Variants in NUFIP2 observed in about 807,000 individuals in gnomAD.
NUFIP2 encodes the protein nuclear FMR1 interacting protein 2.
Under a neutral mutation model 56.9 loss-of-function variants are expected in NUFIP2, and 6 were observed. The ratio of observed to expected loss-of-function variants is 0.11; its 90% confidence interval spans 0.06 to 0.21. The LOEUF (loss-of-function observed/expected upper bound fraction) is 0.21. Among genes scored for constraint, NUFIP2 ranks in the 10% least tolerant of loss-of-function variants. The pLI, the probability that NUFIP2 is intolerant of heterozygous loss-of-function variation, is 1.00. For missense variants in NUFIP2, 828 were observed against 826.8 expected (o/e 1.00, Z -0.02); for synonymous variants, 321 against 298.2 (o/e 1.08, Z -0.79).
chr17:29,271,811 C>A (rs182872898), intron 2 of NUFIP2, among the ~76,000 whole-genome samples: 2 of 151,976 alleles, frequency 1.3e-5, no homozygotes, highest in African/African-American at 4.8e-5. Context: ...TGGCTCTCAC[C>A]TGTAATCCCA....
chr17:29,282,562 C>A (rs548024966), intron 2 of NUFIP2, among the ~76,000 whole-genome samples: 47 of 147,826 alleles, frequency 3.2e-4, no homozygotes, highest in African/African-American at 8.5e-4. Flanking sequence ...AAAAAAAAAA[C>A]CACCAAAAAA....
chr17:29,274,075 G>A (rs2069092725), intron 2 of NUFIP2, among the ~76,000 whole-genome samples: 1 of 152,198 alleles, frequency 6.6e-6, no homozygotes, highest in African/African-American at 2.4e-5. Flanking sequence ...GGGAGGGTGG[G>A]TTATCAGTAA....
Position 29,263,555 on chromosome 17 carries a change from T to A in NUFIP2, c.*984A>T, listed in dbSNP as rs1186649333. ...AAGATAATTTACAGAAAGGTCTAAG[T>A]TTGTCTTAAATGTTTGATGAAAAAC... On this transcript the variant is annotated 3_prime_UTR_variant, in exon 4 of 4. Transcript: ENST00000225388. 1.3e-5 allele frequency: 2 copies of A among 152,584 alleles called. No homozygotes were observed. The highest frequency in any genetic ancestry group is 2.9e-5 in the Non-Finnish European group (2 of 68,026). 9.5% of individuals were successfully genotyped at this position (152,584 alleles called of 1,614,324 possible).
rs1213906015 is a variant in NUFIP2 at position 29,262,380 on chromosome 17, A to C, written c.*2159T>G. 1 of 150,760 alleles carries C rather than the reference A, an allele frequency of 6.6e-6. No individual in the cohort carries two copies. The highest frequency in any genetic ancestry group is 6.6e-5 in the Admixed American group (1 of 15,106). The allele number at this position is 150,760 out of a possible 1,614,324, so 9.3% of individuals were successfully genotyped here. A position where few individuals can be genotyped will look rare whatever the true frequency, so the allele number is the denominator to read the frequency against. ...ATCAACCTTATATGTCTTTTTTTTT[A>C]ACTTTTTGAAAATTTTTATTTAAAA... On this transcript the variant is annotated 3_prime_UTR_variant, in exon 4 of 4. Coordinates refer to ENST00000225388, the MANE Select transcript of NUFIP2 (RefSeq NM_020772.3).
At chr17:29,284,420 A>G (rs1250969333) in intron 2 of NUFIP2, among the ~76,000 whole-genome samples, 1 of 152,198 alleles carries the variant, frequency 6.6e-6, no homozygotes, top group Admixed American at 6.5e-5. Flanking sequence ...AGTGATTAAC[A>G]TGAGGCCTGG....
At chr17:29,278,903 G>C (rs888337820) in intron 2 of NUFIP2, among the ~76,000 whole-genome samples, 4 of 152,088 alleles carry the variant, frequency 2.6e-5, no homozygotes, top group Non-Finnish European at 4.4e-5. Context: ...TCTCTCACTG[G>C]GAGAAAGGGG....
At chr17:29,293,166 T>G (rs1172703214) in intron 1 of NUFIP2, among the ~76,000 whole-genome samples, 1 of 150,506 alleles carries the variant, frequency 6.6e-6, no homozygotes, top group East Asian at 2.0e-4. Flanking sequence ...GGGACAAGAC[T>G]GCGGGGTCCG....
At chr17:29,284,706 CAAAAAAAAAA>C (rs66700326) in intron 2 of NUFIP2, among the ~76,000 whole-genome samples, 7 of 53,644 alleles carry the variant, frequency 1.3e-4, no homozygotes, top group Admixed American at 5.0e-4. Flanking sequence ...GACTCCATCT[CAAAAAAAAAA>C]AAAAAAAAAA....
chr17:29,268,033 G>C (rs2069049026), intron 2 of NUFIP2, among the ~76,000 whole-genome samples: 1 of 152,084 alleles, frequency 6.6e-6, no homozygotes, highest in Non-Finnish European at 1.5e-5. Flanking sequence ...CGAGTAGCTG[G>C]GATTACAGGT....
In NUFIP2 at chr17:29,263,330, C is replaced by T. The variant is rs932994349; in HGVS notation, c.*1209G>A. 1.3e-5 allele frequency: 2 copies of T among 152,476 alleles called. No homozygotes were observed. The highest frequency in any genetic ancestry group is 2.9e-5 in the Non-Finnish European group (2 of 68,008). The allele number at this position is 152,476 out of a possible 1,614,324, so 9.4% of individuals were successfully genotyped here. A position where few individuals can be genotyped will look rare whatever the true frequency, so the allele number is the denominator to read the frequency against. ...AATTTCCAGAATTTCACATTATTTT[C>T]CTTAAAAACCCATCTTGCTCTAGTA... On this transcript the variant is annotated 3_prime_UTR_variant, in exon 4 of 4. Transcript: ENST00000225388.
At chr17:29,293,067 G>A (rs1194383691) in intron 1 of NUFIP2, among the ~76,000 whole-genome samples, 4 of 151,746 alleles carry the variant, frequency 2.6e-5, no homozygotes, top group Non-Finnish European at 4.4e-5. Context: ...ATGGCGGACA[G>A]GAAGCGGCCC....
In NUFIP2 at chr17:29,286,771, G is replaced by A. The variant is rs1195598764; in HGVS notation, c.1223C>T (p.Ser408Phe). Residue 408 changes from serine (S) to phenylalanine (F), a missense_variant, in exon 2 of 4, where the codon TCT becomes TTT. Ser to Phe is a radical substitution (Grantham distance 155). Coordinates refer to ENST00000225388, the MANE Select transcript of NUFIP2 (RefSeq NM_020772.3). ...LSQVPMSALK[S>F]VTSANFSNGP... ...ATTAGAAAAGTTGGCAGAAGTAACA[G>A]ATTTCAGCGCTGACATAGGGACCTG... The A allele has an allele frequency of 4.3e-6, 7 of 1,614,004 alleles. No homozygotes were observed. In the Admixed American group the frequency reaches 1.2e-4, roughly 27 times the overall value.
chr17:29,287,805 G>T, intron 1 of NUFIP2, 89 bp from the exon 2 acceptor site: 1 of 1,215,890 alleles, frequency 8.2e-7, no homozygotes, highest in Non-Finnish European at 1.1e-6. Flanking sequence ...TTTACTGTAT[G>T]CTAGACACTA....
intron 2 of NUFIP2, among the ~76,000 whole-genome samples, chr17:29,282,185 C>G (rs1372175503): frequency 1.3e-5 from 2 of 152,024 alleles, no homozygotes; most frequent in African/African-American, 2.4e-5. Context: ...TAAAAACTTC[C>G]TGTATTAAAA....
At chr17:29,273,722 A>G (rs2153011379) in intron 2 of NUFIP2, among the ~76,000 whole-genome samples, 1 of 152,344 alleles carries the variant, frequency 6.6e-6, no homozygotes, top group South Asian at 2.1e-4. Context: ...CTCTTAAGAT[A>G]TACCAAGTAG....
intron 2 of NUFIP2, among the ~76,000 whole-genome samples, chr17:29,268,565 T>A (rs2069052481): frequency 6.6e-6 from 1 of 152,202 alleles, no homozygotes; most frequent in Non-Finnish European, 1.5e-5. Flanking sequence ...TTGCCCAGGC[T>A]GGAGCGCAAT....
chr17:29,279,214 C>T (rs2069126022), intron 2 of NUFIP2, among the ~76,000 whole-genome samples: 1 of 152,140 alleles, frequency 6.6e-6, no homozygotes, highest in Admixed American at 6.6e-5. Context: ...GAACAATGTC[C>T]AAACTGTACA....
chr17:29,294,103 A>C lies in NUFIP2; in HGVS notation c.-44T>G, dbSNP rs1445297887. On this transcript the variant is annotated 5_prime_UTR_variant, in exon 1 of 4. Transcript: ENST00000225388. ...CCTGGCTGAGGCTGCGGGCTGCTGC[A>C]CCGTCAGGATCTGAGACTGCTTCTC... is the stretch of plus-strand genomic sequence containing the variant. 3 of 1,558,134 alleles carry C rather than the reference A, an allele frequency of 1.9e-6. No individual in the cohort carries two copies. Among genetic ancestry groups the C allele is most frequent in the Non-Finnish European group, 2.6e-6 (3 of 1,151,374 alleles).
At chr17:29,289,936 T>G (rs1024535196) in intron 1 of NUFIP2, among the ~76,000 whole-genome samples, 1 of 152,174 alleles carries the variant, frequency 6.6e-6, no homozygotes, top group Non-Finnish European at 1.5e-5. Context: ...TTTTTTTTCT[T>G]TTTTTGAGAC....
Sources: gnomAD v4.1 joint callset for allele counts (sites outside exome capture counted in the v4.1 genomes callset) on GRCh38, gnomAD v4.1.1 for gene constraint, MANE v1.5 for transcripts, NCBI Gene and HGNC (gene_info 2026-07-23, HGNC 2026-07-21) for gene names.